Variants in EXOC4 observed in about 807,000 individuals in gnomAD.
EXOC4 encodes exocyst complex component 4, also known as SEC8-like 1.
Under a neutral mutation model 107.2 loss-of-function variants are expected in EXOC4, and 71 were observed. The ratio of observed to expected loss-of-function variants is 0.66; its 90% CI spans 0.55 to 0.81. EXOC4 has a LOEUF of 0.81. Among genes scored for constraint, EXOC4 ranks in the 30% least tolerant of loss-of-function variants. The pLI is 0.00. For missense variants in EXOC4, 1,108 were observed against 1,189.6 expected (o/e 0.93, Z 1.01); for synonymous variants, 456 against 441.2 (o/e 1.03, Z -0.42).
At chr7:134,090,281 G>T in the EXOC4 span, among the ~76,000 whole-genome samples, 1 of 152,154 alleles carries the variant, frequency 6.6e-6, no homozygotes, top group Non-Finnish European at 1.5e-5. Context: ...CAGCCACATA[G>T]TTACAAGGTC....
chr7:133,461,368 T>TC (rs1798588905), intron 7 of EXOC4, among the ~76,000 whole-genome samples: 1 of 152,208 alleles, frequency 6.6e-6, no homozygotes, highest in Non-Finnish European at 1.5e-5. Context: ...TTCCTGGCAC[T>TC]TAGTAATTAC....
chr7:133,844,631 G>A (rs1281451821), intron 11 of EXOC4, among the ~76,000 whole-genome samples: 2 of 151,968 alleles, frequency 1.3e-5, no homozygotes, highest in East Asian at 1.9e-4. Flanking sequence ...CTTGTGATCT[G>A]CCTGCCTCGG....
chr7:133,815,372 CAAAAAAAAA>C (rs531468167), intron 10 of EXOC4, among the ~76,000 whole-genome samples: 2 of 69,572 alleles, frequency 2.9e-5, no homozygotes, highest in Non-Finnish European at 6.7e-5. Context: ...AAGACTGCTT[CAAAAAAAAA>C]AAAAAAAAGA....
downstream of EXOC4, among the ~76,000 whole-genome samples, chr7:134,070,257 G>T (rs536747684): frequency 6.6e-6 from 1 of 152,064 alleles, no homozygotes; most frequent in East Asian, 1.9e-4. Context: ...ATTAATAAGC[G>T]TGTGACCAGA....
In EXOC4 at chr7:133,629,645, A is replaced by G. The variant is rs112405387; in HGVS notation, c.1418-400A>G. On this transcript the variant is annotated intron_variant, in intron 9 of 17. Transcript: ENST00000253861. ...AGCCTGCACCTCCCAGGTTCAAGCA[A>G]TTCTCCTGCCTCAACCTCCCAAGTA... Among the ~76,000 whole-genome samples the G allele has an allele frequency of 3.8e-3, 583 of 151,662 alleles. 7 individuals are homozygous for G. The highest frequency in any genetic ancestry group is 0.013 in the African/African-American group (520 of 41,302).
intron 13 of EXOC4, among the ~76,000 whole-genome samples, chr7:133,923,830 A>G (rs1317945710): frequency 6.6e-6 from 1 of 152,224 alleles, no homozygotes; most frequent in Non-Finnish European, 1.5e-5. Flanking sequence ...ATGATTTACC[A>G]AAGTCACAGA....
chr7:133,790,121 A>T (rs1378165592), intron 10 of EXOC4, among the ~76,000 whole-genome samples: 7 of 152,228 alleles, frequency 4.6e-5, no homozygotes, highest in Non-Finnish European at 1.0e-4. Context: ...AGCAGAAATA[A>T]GTCAGCCTCC....
chr7:133,397,675 A>AT (rs1393145751), intron 7 of EXOC4, among the ~76,000 whole-genome samples: 1 of 151,228 alleles, frequency 6.6e-6, no homozygotes, highest in East Asian at 1.9e-4. Context: ...TCTGTTTGTG[A>AT]TTTTTTTCCT....
intron 7 of EXOC4, among the ~76,000 whole-genome samples, chr7:133,382,660 G>A (rs909334285): frequency 6.6e-6 from 1 of 152,134 alleles, no homozygotes; most frequent in Non-Finnish European, 1.5e-5. Context: ...ATATTATGAT[G>A]AATAGAGTTA....
intron 12 of EXOC4, 51 bp from the exon 13 acceptor site, chr7:133,917,532 T>C (rs1288079329): frequency 1.3e-6 from 2 of 1,565,076 alleles, no homozygotes; most frequent in Non-Finnish European, 1.7e-6. Flanking sequence ...AAATGCTAAC[T>C]GAATACCAGG....
chr7:134,064,598 A>C lies in EXOC4; in HGVS notation c.*70A>C. ...CACTTTTTTCCTTGGTATGTTATTG[A>C]GTATATTCTGAGCTTAGTTTTCTCT... On this transcript the variant is annotated 3_prime_UTR_variant, in exon 18 of 18. Transcript: ENST00000253861. 1 of 1,045,368 alleles carries C rather than the reference A, an allele frequency of 9.6e-7. No homozygotes were observed. Among genetic ancestry groups the C allele is most frequent in the Non-Finnish European group, 1.4e-6 (1 of 720,032 alleles). 64.8% of individuals were successfully genotyped at this position (1,045,368 alleles called of 1,614,324 possible).
At chr7:133,636,507 T>C (rs772415248) in intron 10 of EXOC4, among the ~76,000 whole-genome samples, 5 of 152,290 alleles carry the variant, frequency 3.3e-5, no homozygotes, top group Non-Finnish European at 5.9e-5. Flanking sequence ...TTTGGCTCTT[T>C]AGGGTAATGA....
rs56086076 is a variant in EXOC4, at chr7:133,606,517, A to ATTTTT, written c.1418-23517_1418-23513dup. 1.5e-5 allele frequency among the ~76,000 whole-genome samples: 2 copies of ATTTTT among 136,920 alleles called. 1 individual carries two copies. Among genetic ancestry groups the ATTTTT allele is most frequent in the African/African-American group, 6.0e-5 (2 of 33,324 alleles). 89.8% of individuals were successfully genotyped at this position (136,920 alleles called of 152,430 possible). ...GCTGTTTATTATTATTATTATTATT[A>ATTTTT]TTTTTTTTTTTTTTTGAGGTGGAGT... is the stretch of plus-strand genomic sequence containing the variant. On this transcript the variant is annotated intron_variant, in intron 9 of 17. Transcript: ENST00000253861.
At chr7:133,804,593 G>T (rs1259930691) in intron 10 of EXOC4, among the ~76,000 whole-genome samples, 1 of 152,124 alleles carries the variant, frequency 6.6e-6, no homozygotes, top group Non-Finnish European at 1.5e-5. Flanking sequence ...GAGCCAGTTT[G>T]TTTCTTCCAG....
chr7:133,980,598 G>C (rs1363873983), intron 14 of EXOC4, among the ~76,000 whole-genome samples: 1 of 152,160 alleles, frequency 6.6e-6, no homozygotes, highest in African/African-American at 2.4e-5. Flanking sequence ...GTAAGAATTT[G>C]GTTCTTAGTT....
intron 17 of EXOC4, among the ~76,000 whole-genome samples, chr7:134,024,719 G>C (rs535364714): frequency 9.3e-4 from 141 of 152,264 alleles, no homozygotes; most frequent in African/African-American, 3.3e-3. Context: ...CTTACTGTGT[G>C]GGGGACAACC....
intron 10 of EXOC4, among the ~76,000 whole-genome samples, chr7:133,745,222 A>C (rs1355498116): frequency 6.6e-6 from 1 of 152,050 alleles, no homozygotes; most frequent in African/African-American, 2.4e-5. Context: ...TTTGTGTGCC[A>C]AATACCAAAT....
At chr7:133,939,822 T>A (rs937914203) in intron 14 of EXOC4, among the ~76,000 whole-genome samples, 9 of 152,230 alleles carry the variant, frequency 5.9e-5, no homozygotes, top group African/African-American at 1.9e-4. Context: ...CCTTTAACTT[T>A]ATAATCCCAT....
At chr7:133,631,150 A>G (rs1004850176) in intron 10 of EXOC4, among the ~76,000 whole-genome samples, 3 of 152,174 alleles carry the variant, frequency 2.0e-5, no homozygotes, top group African/African-American at 7.2e-5. Flanking sequence ...TCTGTAAAGA[A>G]CCAGAGTATA....
Sources: allele counts gnomAD v4.1 joint callset (sites outside exome capture counted in the v4.1 genomes callset), GRCh38; gene constraint gnomAD v4.1.1; transcripts MANE v1.5; gene names NCBI Gene and HGNC (gene_info 2026-07-23, HGNC 2026-07-21).